CWC27: variants seen among roughly 807,000 people sequenced by gnomAD.
CWC27 encodes spliceosome-associated protein CWC27 homolog.
In CWC27, 47 loss-of-function variants were observed where a neutral mutation model predicts 63.6. The ratio of observed to expected loss-of-function variants is 0.74; its 90% confidence interval spans 0.58 to 0.94. The LOEUF is 0.94. Ranked by LOEUF, CWC27 falls within the 40% of genes least tolerant of loss-of-function variation. CWC27 has a pLI of 0.00. For synonymous variants in CWC27, 175 were observed against 179.8 expected (o/e 0.97, Z 0.22); for missense variants, 495 against 554.3 (o/e 0.89, Z 1.07).
Position 64,819,538 on chromosome 5 carries a change from C to T in CWC27, c.938+15152C>T, listed in dbSNP as rs993659793. 3.1e-4 allele frequency among the ~76,000 whole-genome samples: 47 copies of T among 151,880 alleles called. 1 individual carries two copies. Among genetic ancestry groups the T allele is most frequent in the Non-Finnish European group, 8.8e-5 (6 of 67,954 alleles). Reference sequence around the variant, plus strand: ...TTCTCATGATAGTGAATAAGTCACACTAGATCTGATGGTTTTATAAAGGGG... The same window carrying T: ...TTCTCATGATAGTGAATAAGTCACATTAGATCTGATGGTTTTATAAAGGGG... On this transcript the variant is annotated intron_variant, in intron 10 of 13. Transcript: ENST00000381070.
At chr5:64,858,463 A>ACAT (rs1401074960) in intron 10 of CWC27, among the ~76,000 whole-genome samples, 3 of 146,550 alleles carry the variant, frequency 2.0e-5, no homozygotes, top group Non-Finnish European at 4.5e-5. Context: ...CTCCATCTCA[A>ACAT]AATAATAATA....
intron 10 of CWC27, among the ~76,000 whole-genome samples, chr5:64,837,155 T>C (rs1745678536): frequency 6.6e-6 from 1 of 152,048 alleles, no homozygotes; most frequent in African/African-American, 2.4e-5. Context: ...CCTCAGAAAA[T>C]GAGGCTCTCT....
Position 64,955,939 on chromosome 5 carries a change from T to C in CWC27, c.1043-15764T>C, listed in dbSNP as rs1047482028. Among the ~76,000 whole-genome samples, 8 of 152,302 alleles carry C rather than the reference T, an allele frequency of 5.3e-5. No homozygotes were observed. In the East Asian group the frequency reaches 1.5e-3, roughly 29 times the overall value. ...GGGAGTCAGTCCCTCTCTCTCCCTGTCTCACCTTTGCACTTGCAGTCACTA... is the reference window on the plus strand; with the variant it reads ...GGGAGTCAGTCCCTCTCTCTCCCTGCCTCACCTTTGCACTTGCAGTCACTA... On this transcript the variant is annotated intron_variant, in intron 11 of 13. Coordinates refer to ENST00000381070, the MANE Select transcript of CWC27 (RefSeq NM_005869.4).
At chr5:64,843,065 G>A (rs1745886321) in intron 10 of CWC27, among the ~76,000 whole-genome samples, 1 of 152,186 alleles carries the variant, frequency 6.6e-6, no homozygotes. Context: ...AAGGTTTTGT[G>A]TAAGGATTTT....
chr5:64,965,733 C>A (rs1259947995), intron 11 of CWC27, among the ~76,000 whole-genome samples: 1 of 152,136 alleles, frequency 6.6e-6, no homozygotes, highest in Non-Finnish European at 1.5e-5. Context: ...TTTTCTTTGT[C>A]ATTTTAAATG....
chr5:64,873,798 A>G (rs539389973), intron 10 of CWC27, among the ~76,000 whole-genome samples: 1 of 152,118 alleles, frequency 6.6e-6, no homozygotes, highest in Middle Eastern at 3.4e-3. Context: ...TTCTTTTAGT[A>G]GTTTTATAGT....
intron 2 of CWC27, among the ~76,000 whole-genome samples, chr5:64,775,335 C>G (rs1157456616): frequency 5.3e-5 from 8 of 152,160 alleles, no homozygotes; most frequent in African/African-American, 1.9e-4. Context: ...TGCCTGCTCC[C>G]CTTCCTGTCT....
At chr5:64,942,438 TAAAAAAA>T (rs35936421) in intron 11 of CWC27, among the ~76,000 whole-genome samples, 3 of 96,552 alleles carry the variant, frequency 3.1e-5, no homozygotes, top group African/African-American at 4.3e-5. Flanking sequence ...CCTATCTCTT[TAAAAAAA>T]AAAAAAAAAA....
rs898584003 is a variant in CWC27 at position 64,783,891 on chromosome 5, A to G, written c.308A>G (p.Asn103Ser). Residue 103 changes from asparagine (N) to serine (S), a missense_variant, in exon 4 of 14, where the codon AAT becomes AGT. Around this residue, in one of 3 missense-constraint regions of CWC27, gnomAD observed 463 missense variants for 498.1 expected, o/e 0.93. Coordinates refer to ENST00000381070, the MANE Select transcript of CWC27 (RefSeq NM_005869.4). ...FNRRGLVAMA[N>S]AGSHDNGSQF... ...CGGAGAGGACTGGTTGCCATGGCAA[A>G]TGCTGGTTCTCATGATAATGGCAGC... 1 of 1,606,016 alleles carries G rather than the reference A, an allele frequency of 6.2e-7. No individual in the cohort carries two copies. The highest frequency in any genetic ancestry group is 1.3e-5 in the African/African-American group (1 of 74,472).
chr5:64,830,479 A>G (rs935627286), intron 10 of CWC27, among the ~76,000 whole-genome samples: 1 of 152,168 alleles, frequency 6.6e-6, no homozygotes, highest in Non-Finnish European at 1.5e-5. Flanking sequence ...AAAACCCTAG[A>G]AGAAAACCTA....
intron 11 of CWC27, among the ~76,000 whole-genome samples, chr5:64,924,981 A>G (rs560793257): frequency 1.3e-5 from 2 of 152,180 alleles, no homozygotes; most frequent in East Asian, 3.9e-4. Context: ...ACACACACAC[A>G]CACACACGAA....
rs1189920149 is a variant in CWC27 at position 64,856,260 on chromosome 5, CTT to C, written c.939-29182_939-29181del. On this transcript the variant is annotated intron_variant, in intron 10 of 13. Coordinates refer to ENST00000381070, the MANE Select transcript of CWC27 (RefSeq NM_005869.4). Reference sequence around the variant, plus strand: ...AATACTTTTTTTAAATGGTAATACACTTATATTTTAATTGAAGCTTTAGTAGA... The same window carrying C: ...AATACTTTTTTTAAATGGTAATACACATATTTTAATTGAAGCTTTAGTAGA... Among the ~76,000 whole-genome samples the C allele has an allele frequency of 2.6e-5, 4 of 152,030 alleles. 1 individual carries two copies. The highest frequency in any genetic ancestry group is 4.1e-4 in the South Asian group (2 of 4,832).
At chr5:64,800,511 A>T (rs1744452555) in intron 8 of CWC27, among the ~76,000 whole-genome samples, 184 bp downstream of exon 8, 1 of 152,224 alleles carries the variant, frequency 6.6e-6, no homozygotes, top group Non-Finnish European at 1.5e-5. Context: ...CAAACGCTCT[A>T]GTCACTTTCG....
At position 64,774,807 on chromosome 5, in the gene CWC27, A is replaced by G. The variant is rs754295604; in HGVS notation, c.139+20A>G. On this transcript the variant is annotated intron_variant, in intron 2 of 13. Transcript: ENST00000381070. ...TGGAAGGTATGTTGACTTTTATTCT[A>G]CTGGAGAAATTCTTGTTAATTTAAA... 8.8e-7 allele frequency: 1 copy of G among 1,130,806 alleles called. No homozygotes were observed. Among genetic ancestry groups the G allele is most frequent in the East Asian group, 2.8e-5 (1 of 36,268 alleles). The allele number at this position is 1,130,806 out of a possible 1,614,324, so 70.0% of individuals were successfully genotyped here. A position where few individuals can be genotyped will look rare whatever the true frequency, so the allele number is the denominator to read the frequency against.
chr5:64,778,259 TTC>T (rs964375977), intron 2 of CWC27, among the ~76,000 whole-genome samples: 2 of 152,086 alleles, frequency 1.3e-5, no homozygotes, highest in African/African-American at 4.8e-5. Context: ...CTTGCTTGCA[TTC>T]TCTCACTGGC....
intron 11 of CWC27, among the ~76,000 whole-genome samples, chr5:64,970,431 C>G (rs1040917902): frequency 8.6e-5 from 13 of 151,988 alleles, no homozygotes; most frequent in African/African-American, 3.1e-4. Flanking sequence ...CCAGGATGGT[C>G]TCGATCTTCT....
intron 2 of CWC27, among the ~76,000 whole-genome samples, chr5:64,779,525 G>A (rs1026916835): frequency 6.6e-6 from 1 of 152,068 alleles, no homozygotes; most frequent in African/African-American, 2.4e-5. Flanking sequence ...AAAAACTGTG[G>A]TGAAGTTTAT....
intron 2 of CWC27, among the ~76,000 whole-genome samples, chr5:64,777,120 A>G (rs1312179506): frequency 6.6e-6 from 1 of 152,116 alleles, no homozygotes; most frequent in Non-Finnish European, 1.5e-5. Context: ...TGTTTTATAG[A>G]CAAGTGGGGA....
At chr5:64,831,067 G>T (rs1165749724) in intron 10 of CWC27, among the ~76,000 whole-genome samples, 1 of 151,888 alleles carries the variant, frequency 6.6e-6, no homozygotes, top group Non-Finnish European at 1.5e-5. Flanking sequence ...TTACAAATAT[G>T]GTTTATTTTT....
Sources: allele counts gnomAD v4.1 joint callset (sites outside exome capture counted in the v4.1 genomes callset), GRCh38; gene constraint gnomAD v4.1.1; regional missense constraint gnomAD v4.1.1; transcripts MANE v1.5; gene names NCBI Gene and HGNC (gene_info 2026-07-23, HGNC 2026-07-21).